FXR1: variants seen among roughly 807,000 people sequenced by gnomAD.
The protein encoded by FXR1 is FMR1 autosomal homolog 1.
FXR1 carries 15 observed loss-of-function variants against 84.0 expected under a neutral mutation model. The ratio of observed to expected loss-of-function variants is 0.18; its 90% CI spans 0.12 to 0.27. The LOEUF is 0.27. Among genes scored for constraint, FXR1 ranks in the 10% least tolerant of loss-of-function variants. The pLI, the probability that FXR1 is intolerant of heterozygous loss-of-function variation, is 1.00. For synonymous variants in FXR1, 245 were observed against 250.7 expected, an observed-to-expected ratio of 0.98 and a Z score of 0.21; for missense variants, 480 against 774.4, an observed-to-expected ratio of 0.62 and a Z score of 4.51.
chr3:180,930,932 G>A (rs1719811241), intron 1 of FXR1, among the ~76,000 whole-genome samples: 1 of 150,654 alleles, frequency 6.6e-6, no homozygotes, highest in Non-Finnish European at 1.5e-5. Context: ...GGGAGGTTGA[G>A]GTAGGAGGAT....
chr3:180,923,125 A>G lies in FXR1; in HGVS notation c.52-10209A>G, dbSNP rs375758550. ...TTAATATTTTTGCATATTTGTATGT[A>G]TAGGCAGTTATGCTAGTGCCATGTA... On this transcript the variant is annotated intron_variant, in intron 1 of 16. Coordinates refer to ENST00000357559, the MANE Select transcript of FXR1 (RefSeq NM_005087.4). 2.0e-5 allele frequency among the ~76,000 whole-genome samples: 3 copies of G among 152,206 alleles called. No individual in the cohort carries two copies. The East Asian group carries it at 5.8e-4, about 29-fold the overall frequency.
At chr3:180,922,875 A>G (rs1405433026) in intron 1 of FXR1, among the ~76,000 whole-genome samples, 1 of 152,064 alleles carries the variant, frequency 6.6e-6, no homozygotes, top group Non-Finnish European at 1.5e-5. Flanking sequence ...CGGCCTCCCA[A>G]AGTGCTGGGA....
At chr3:180,953,696 T>G (rs1722459827) in intron 8 of FXR1, 66 bp from the exon 9 acceptor site, 2 of 764,420 alleles carry the variant, frequency 2.6e-6, no homozygotes, top group Non-Finnish European at 4.5e-6. Context: ...CATCTTCTTG[T>G]TTTGGATTAT....
intron 3 of FXR1, among the ~76,000 whole-genome samples, chr3:180,940,944 G>A (rs1721058047): frequency 6.6e-6 from 1 of 152,098 alleles, no homozygotes; most frequent in African/African-American, 2.4e-5. Context: ...ACCTGTTTTT[G>A]AACTGTGAGG....
At chr3:180,958,236 G>T (rs1711582087) in intron 10 of FXR1, among the ~76,000 whole-genome samples, 2 of 152,028 alleles carry the variant, frequency 1.3e-5, no homozygotes, top group South Asian at 4.2e-4. Flanking sequence ...TACTCCAAAA[G>T]GAATTTTTTT....
chr3:180,952,828 CTTT>C lies in FXR1; in HGVS notation c.802-916_802-914del, dbSNP rs371547296. 6.2e-4 allele frequency among the ~76,000 whole-genome samples: 75 copies of C among 121,482 alleles called. 3 individuals carry two copies. In the Middle Eastern group the frequency reaches 0.013, roughly 21 times the overall value. The allele number at this position is 121,482 out of a possible 152,430, so 79.7% of individuals were successfully genotyped here. A position where few individuals can be genotyped will look rare whatever the true frequency, so the allele number is the denominator to read the frequency against. Reference sequence around the variant, plus strand: ...TAAAATTTAAAAAAAATTTTATTTGCTTTTTTTTTTTTTTTTTTTTAAAGAGAC... The same window carrying C: ...TAAAATTTAAAAAAAATTTTATTTGCTTTTTTTTTTTTTTTTTAAAGAGAC... On this transcript the variant is annotated intron_variant, in intron 8 of 16. Transcript: ENST00000357559.
At chr3:180,970,790 A>C (rs767999157) in intron 15 of FXR1, 1 of 159,844 alleles carries the variant, frequency 6.3e-6, no homozygotes, top group Non-Finnish European at 1.4e-5. Context: ...TATAAACCAA[A>C]CTGTACTAGA....
rs1717364101 is a variant in FXR1, at chr3:180,912,746, G to A, written c.51+10G>A. ...CGGGGCTTTCTACAAGGTACTGACC[G>A]TTTTGCCACTTTGTCGAGTGTTCTG... On this transcript the variant is annotated intron_variant, in intron 1 of 16. Coordinates refer to ENST00000357559, the MANE Select transcript of FXR1 (RefSeq NM_005087.4). The A allele has an allele frequency of 1.2e-6, 2 of 1,614,072 alleles. No individual in the cohort carries two copies. Among genetic ancestry groups the A allele is most frequent in the African/African-American group, 1.3e-5 (1 of 75,026 alleles).
intron 1 of FXR1, chr3:180,927,928 C>A (rs984122324): frequency 9.3e-6 from 3 of 321,328 alleles, no homozygotes; most frequent in Non-Finnish European, 1.1e-5. Context: ...TCACCCTCTG[C>A]CCCCTTTTCT....
intron 3 of FXR1, among the ~76,000 whole-genome samples, chr3:180,938,639 C>T (rs1418889889): frequency 1.3e-5 from 2 of 152,122 alleles, no homozygotes; most frequent in African/African-American, 4.8e-5. Flanking sequence ...ACCTCCACCT[C>T]CCGGGTTCAA....
intron 9 of FXR1, chr3:180,957,560 G>C: frequency 3.1e-6 from 1 of 318,022 alleles, no homozygotes; most frequent in Non-Finnish European, 5.8e-6. Flanking sequence ...TAAAAGTCTA[G>C]ATTTTGAGAA....
chr3:180,935,054 G>T, intron 2 of FXR1, 84 bp from the exon 3 acceptor site: 1 of 637,702 alleles, frequency 1.6e-6, no homozygotes, highest in Non-Finnish European at 2.8e-6. Flanking sequence ...AAAGCTAAAT[G>T]ATAAACTAAC....
At position 180,976,974 on chromosome 3, in the gene FXR1, T is replaced by C. The variant is rs1051334223; in HGVS notation, c.*682T>C. The C allele has an allele frequency of 1.3e-5, 2 of 152,536 alleles. No individual in the cohort carries two copies. The highest frequency in any genetic ancestry group is 4.8e-5 in the African/African-American group (2 of 41,428). 9.4% of individuals were successfully genotyped at this position (152,536 alleles called of 1,614,324 possible). On this transcript the variant is annotated 3_prime_UTR_variant, in exon 17 of 17. Coordinates refer to ENST00000357559, the MANE Select transcript of FXR1 (RefSeq NM_005087.4). ...AAAACACTAAGCTGAATTAGTCATG[T>C]CCATTCAGACATAACCTGAACTACT...
chr3:180,927,088 T>C (rs1341500238), intron 1 of FXR1, among the ~76,000 whole-genome samples: 2 of 152,082 alleles, frequency 1.3e-5, no homozygotes, highest in Non-Finnish European at 2.9e-5. Context: ...TTTTTGATAC[T>C]TTGGGAACCT....
At chr3:180,970,383 AATAT>A (rs56345724) in intron 15 of FXR1, 25 bp downstream of exon 15, 35,162 of 367,674 alleles carry the variant, frequency 0.096, 3,975 homozygotes, top group African/African-American at 0.17. Flanking sequence ...AGGGAAGAGA[AATAT>A]ATATATATAT....
At position 180,975,353 on chromosome 3, in the gene FXR1, C is replaced by T; in HGVS notation, c.1644C>T (p.Ser548=). 1 of 1,551,718 alleles carries T rather than the reference C, an allele frequency of 6.4e-7. No individual in the cohort carries two copies. The highest frequency in any genetic ancestry group is 1.4e-5 in the African/African-American group (1 of 72,856). The part of the protein sequence containing the change: ...ADYISRAESQ[S]RQRNLPRETL... Reference sequence around the variant, plus strand: ...ATATTTCTAGAGCTGAGTCTCAGAGCAGACAAAGAAACCTCCCAAGGGAAA... The same window carrying T: ...ATATTTCTAGAGCTGAGTCTCAGAGTAGACAAAGAAACCTCCCAAGGGAAA... Residue 548 remains serine (S), a synonymous_variant, in exon 16 of 17, where the codon AGC becomes AGT. Transcript: ENST00000357559.
At chr3:180,972,684 TATTA>T (rs1214637576) in intron 15 of FXR1, among the ~76,000 whole-genome samples, 7 of 152,196 alleles carry the variant, frequency 4.6e-5, no homozygotes, top group Admixed American at 4.6e-4. Context: ...TTCTGTATGG[TATTA>T]ATTGCAACTT....
At chr3:180,924,059 A>C (rs1444498969) in intron 1 of FXR1, among the ~76,000 whole-genome samples, 2 of 152,070 alleles carry the variant, frequency 1.3e-5, no homozygotes, top group Admixed American at 1.3e-4. Flanking sequence ...CTCGGGTTCA[A>C]GTGATTCTCC....
chr3:180,968,395 G>T (rs1470627455), intron 14 of FXR1, 141 bp downstream of exon 14: 2 of 625,762 alleles, frequency 3.2e-6, no homozygotes, highest in Non-Finnish European at 5.7e-6. Flanking sequence ...GGACCATATA[G>T]CAGTATCAGG....
Sources: allele counts gnomAD v4.1 joint callset (sites outside exome capture counted in the v4.1 genomes callset), GRCh38; gene constraint gnomAD v4.1.1; transcripts MANE v1.5; gene names NCBI Gene and HGNC (gene_info 2026-07-23, HGNC 2026-07-21).